CCDC7: variants seen among roughly 807,000 people sequenced by gnomAD.
CCDC7 encodes the protein coiled-coil domain-containing protein 7.
A neutral mutation model predicts 196.9 loss-of-function variants in CCDC7; 183 were observed. That is an observed-to-expected ratio of 0.93 (90% confidence interval 0.82 to 1.05). The LOEUF (loss-of-function observed/expected upper bound fraction) is 1.05. Among genes scored for constraint, CCDC7 ranks in the 50% least tolerant of loss-of-function variants. The pLI is 0.00. For missense variants in CCDC7, 1,540 were observed against 1,482.2 expected, an observed-to-expected ratio of 1.04 and a Z score of -0.64; for synonymous variants, 525 against 484.6, an observed-to-expected ratio of 1.08 and a Z score of -1.10.
Position 32,772,631 on chromosome 10 carries a change from G to A in CCDC7, c.2906-6346G>A, listed in dbSNP as rs190105876. Reference sequence around the variant, plus strand: ...CCAACACCTGAACTTTTTGACTGTCGTCTGCAGGGTCCCCTGTTAAGATCA... The same window carrying A: ...CCAACACCTGAACTTTTTGACTGTCATCTGCAGGGTCCCCTGTTAAGATCA... On this transcript the variant is annotated intron_variant, in intron 28 of 41. Transcript: ENST00000639629. Among the ~76,000 whole-genome samples the A allele has an allele frequency of 7.2e-4, 109 of 152,320 alleles. 1 individual carries two copies. The East Asian group carries it at 0.013, about 18-fold the overall frequency.
chr10:32,549,707 G>A lies in CCDC7; in HGVS notation c.1134+5406G>A, dbSNP rs186871744. ...ACTTTATGTTTTTGTTTGCTTTGTC[G>A]AAGATCAGTTGGCTGTAAGTATTTG... On this transcript the variant is annotated intron_variant, in intron 13 of 41. Transcript: ENST00000639629. Among the ~76,000 whole-genome samples, 707 of 152,084 alleles carry A rather than the reference G, an allele frequency of 4.6e-3. 13 individuals carry two copies. The highest frequency in any genetic ancestry group is 0.016 in the African/African-American group (669 of 41,482).
chr10:32,712,610 T>A (rs1388444235), intron 25 of CCDC7, among the ~76,000 whole-genome samples: 1 of 152,190 alleles, frequency 6.6e-6, no homozygotes, highest in Non-Finnish European at 1.5e-5. Flanking sequence ...ATACAGATAG[T>A]TGGGGAATTT....
chr10:32,587,053 T>C (rs34790422), intron 18 of CCDC7, among the ~76,000 whole-genome samples: 52,411 of 152,142 alleles, frequency 0.34, 11,461 homozygotes, highest in Non-Finnish European at 0.5. Context: ...ATTTTCAAAA[T>C]ATGAAGTATA....
Position 32,495,988 on chromosome 10 carries a change from T to TG in CCDC7, c.872+3993dup, listed in dbSNP as rs1269103541. Reference sequence around the variant, plus strand: ...AATCTATAAATTACTTTGGGCAGTATGGCCATTTTCATGGTATTGATTCTT... The same window carrying TG: ...AATCTATAAATTACTTTGGGCAGTATGGGCCATTTTCATGGTATTGATTCTT... On this transcript the variant is annotated intron_variant, in intron 9 of 41. Transcript: ENST00000639629. Among the ~76,000 whole-genome samples, 3 of 152,328 alleles carry TG rather than the reference T, an allele frequency of 2.0e-5. No homozygotes were observed. The East Asian group carries it at 5.8e-4, about 29-fold the overall frequency.
chr10:32,523,549 CA>C (rs34147655), intron 11 of CCDC7, among the ~76,000 whole-genome samples: 48,795 of 130,462 alleles, frequency 0.37, 8,566 homozygotes, highest in East Asian at 0.61. Context: ...ACGCTGTCTC[CA>C]AAAAAAAAAA....
At chr10:32,519,762 C>T (rs749757599) in intron 11 of CCDC7, among the ~76,000 whole-genome samples, 2 of 151,928 alleles carry the variant, frequency 1.3e-5, no homozygotes, top group African/African-American at 2.4e-5. Flanking sequence ...CTTAAATGTA[C>T]AATTAAATCA....
chr10:32,633,213 GCACACACA>G (rs5784300), intron 18 of CCDC7, among the ~76,000 whole-genome samples: 61 of 151,108 alleles, frequency 4.0e-4, no homozygotes, highest in East Asian at 2.7e-3. Context: ...GCGCGTGCAC[GCACACACA>G]CACACACACA....
At chr10:32,704,083 G>T (rs377561289) in intron 24 of CCDC7, among the ~76,000 whole-genome samples, 1 of 152,134 alleles carries the variant, frequency 6.6e-6, no homozygotes, top group Non-Finnish European at 1.5e-5. Flanking sequence ...TGGAGGAGGA[G>T]AGGTGCTCTG....
Position 32,637,020 on chromosome 10 carries a change from A to G in CCDC7, c.2014+1862A>G, listed in dbSNP as rs181225192. Among the ~76,000 whole-genome samples, 6 of 152,300 alleles carry G rather than the reference A, an allele frequency of 3.9e-5. No individual in the cohort carries two copies. The East Asian group carries it at 9.7e-4, about 25-fold the overall frequency. ...TTTCATGTGTCTGTTGGCTGCATAAATGTCTTCTTTTGAGAAGTGTTTGTT... is the reference window on the plus strand; with the variant it reads ...TTTCATGTGTCTGTTGGCTGCATAAGTGTCTTCTTTTGAGAAGTGTTTGTT... On this transcript the variant is annotated intron_variant, in intron 20 of 41. Transcript: ENST00000639629.
At chr10:32,622,216 T>C (rs1340331474) in intron 18 of CCDC7, among the ~76,000 whole-genome samples, 2 of 152,198 alleles carry the variant, frequency 1.3e-5, no homozygotes, top group Non-Finnish European at 2.9e-5. Context: ...AAAGGCAGTG[T>C]CCTTTTTCTA....
At chr10:32,574,514 G>T in intron 16 of CCDC7, 1 of 1,526,928 alleles carries the variant, frequency 6.5e-7, no homozygotes, top group Non-Finnish European at 8.8e-7. Context: ...GACCCCACCT[G>T]AGCAGATACA....
chr10:32,873,542 G>A (rs1055113952), intron 41 of CCDC7, among the ~76,000 whole-genome samples: 9 of 152,002 alleles, frequency 5.9e-5, no homozygotes, highest in African/African-American at 2.2e-4. Context: ...ACTCGTCAAA[G>A]TCATTCTCTG....
intron 20 of CCDC7, among the ~76,000 whole-genome samples, chr10:32,645,393 T>C (rs954172576): frequency 1.3e-5 from 2 of 152,146 alleles, no homozygotes; most frequent in Admixed American, 6.6e-5. Flanking sequence ...TGGTAAATGA[T>C]CTTTTTAATG....
chr10:32,631,500 A>G (rs1056929482), intron 18 of CCDC7, among the ~76,000 whole-genome samples: 12 of 152,110 alleles, frequency 7.9e-5, no homozygotes, highest in Non-Finnish European at 1.8e-4. Context: ...ATTCTATTGC[A>G]TTTATGTATA....
intron 28 of CCDC7, among the ~76,000 whole-genome samples, chr10:32,740,969 G>T (rs2085734426): frequency 6.6e-6 from 1 of 151,882 alleles, no homozygotes; most frequent in African/African-American, 2.4e-5. Context: ...GTTTGTGTAT[G>T]TCTAGAAGTA....
chr10:32,683,080 C>G (rs949800366), intron 21 of CCDC7, among the ~76,000 whole-genome samples: 1 of 152,090 alleles, frequency 6.6e-6, no homozygotes, highest in Non-Finnish European at 1.5e-5. Flanking sequence ...AGTCCTACAT[C>G]CAGAATGATA....
At chr10:32,859,871 C>T (rs867328675) in intron 41 of CCDC7, among the ~76,000 whole-genome samples, 28 of 152,114 alleles carry the variant, frequency 1.8e-4, no homozygotes, top group African/African-American at 5.5e-4. Context: ...AGGAAGAGGT[C>T]GAATCCCTGA....
chr10:32,657,450 G>A (rs2070201959), intron 20 of CCDC7, among the ~76,000 whole-genome samples: 1 of 152,228 alleles, frequency 6.6e-6, no homozygotes, highest in Admixed American at 6.5e-5. Flanking sequence ...TATACCTGCA[G>A]GCTCAAAACC....
At chr10:32,580,622 A>G (rs1244688435) in intron 16 of CCDC7, among the ~76,000 whole-genome samples, 1 of 152,108 alleles carries the variant, frequency 6.6e-6, no homozygotes, top group Non-Finnish European at 1.5e-5. Flanking sequence ...TCTTGTATAT[A>G]GGAATGAGTT....
Sources: gnomAD v4.1 joint callset for allele counts (sites outside exome capture counted in the v4.1 genomes callset) on GRCh38, gnomAD v4.1.1 for gene constraint, MANE v1.5 for transcripts, NCBI Gene and HGNC (gene_info 2026-07-23, HGNC 2026-07-21) for gene names.